KLRF1: variants seen among roughly 807,000 people sequenced by gnomAD.
KLRF1 encodes the protein killer cell lectin-like receptor subfamily F member 1.
A neutral mutation model predicts 30.7 loss-of-function variants in KLRF1; 27 were observed. The ratio of observed to expected loss-of-function variants is 0.88; its 90% CI spans 0.65 to 1.21. The LOEUF is 1.21. KLRF1 is among the 50% of genes most tolerant of loss of function. The pLI is 0.00. For missense variants in KLRF1, 246 were observed against 259.3 expected (o/e 0.95, Z 0.35); for synonymous variants, 92 against 89.3 (o/e 1.03, Z -0.17).
the KLRF1 span, among the ~76,000 whole-genome samples, chr12:9,820,926 G>A: frequency 1.3e-5 from 2 of 152,088 alleles, no homozygotes; most frequent in African/African-American, 4.8e-5. Context: ...TCTTCACCAG[G>A]CAGGGCCCCT....
chr12:9,809,705 A>T, the KLRF1 span, among the ~76,000 whole-genome samples: 10 of 151,966 alleles, frequency 6.6e-5, no homozygotes, highest in East Asian at 1.9e-3. Context: ...TCAAAGATAA[A>T]TTGTTATTAT....
chr12:9,824,222 A>G (rs187668822), upstream of KLRF1, among the ~76,000 whole-genome samples: 10 of 152,298 alleles, frequency 6.6e-5, no homozygotes, highest in East Asian at 1.9e-3. Flanking sequence ...AAAATTCTCA[A>G]CAAAATACTG....
chr12:9,812,574 A>G, the KLRF1 span, among the ~76,000 whole-genome samples: 1 of 152,062 alleles, frequency 6.6e-6, no homozygotes, highest in Non-Finnish European at 1.5e-5. Context: ...TATGGGAAGG[A>G]AAACTTATGG....
chr12:9,833,742 G>T (rs1280636822), intron 3 of KLRF1, among the ~76,000 whole-genome samples: 2 of 151,954 alleles, frequency 1.3e-5, no homozygotes, highest in African/African-American at 4.8e-5. Context: ...AGCCATTCTT[G>T]TTTGTCACTT....
chr12:9,814,660 C>T, the KLRF1 span, among the ~76,000 whole-genome samples: 1 of 152,252 alleles, frequency 6.6e-6, no homozygotes, highest in African/African-American at 2.4e-5. Flanking sequence ...CCCGCAAAGC[C>T]TGGTACGGCC....
At chr12:9,810,877 G>A in the KLRF1 span, among the ~76,000 whole-genome samples, 2 of 152,164 alleles carry the variant, frequency 1.3e-5, no homozygotes, top group African/African-American at 4.8e-5. Context: ...CTTAAGCCAA[G>A]TTTGGATTCT....
intron 1 of KLRF1, among the ~76,000 whole-genome samples, chr12:9,831,437 A>C (rs905111936): frequency 3.9e-5 from 6 of 152,176 alleles, no homozygotes; most frequent in Non-Finnish European, 8.8e-5. Context: ...AAGAGTATTT[A>C]GAATATAAAT....
At chr12:9,833,541 A>C in intron 3 of KLRF1, 89 bp downstream of exon 3, 1 of 1,125,802 alleles carries the variant, frequency 8.9e-7, no homozygotes, top group South Asian at 2.7e-5. Context: ...CAATAGATTA[A>C]AGTAACAAGT....
the KLRF1 span, among the ~76,000 whole-genome samples, chr12:9,810,455 A>C: frequency 6.6e-6 from 1 of 152,220 alleles, no homozygotes; most frequent in African/African-American, 2.4e-5. Flanking sequence ...TATATGCTTA[A>C]ATTTTCACCT....
the KLRF1 span, among the ~76,000 whole-genome samples, chr12:9,818,525 T>G: frequency 2.0e-5 from 3 of 152,222 alleles, no homozygotes; most frequent in Admixed American, 6.5e-5. Context: ...AGTATTGATG[T>G]TAGTAGAAGC....
At chr12:9,810,340 A>G in the KLRF1 span, among the ~76,000 whole-genome samples, 1 of 152,188 alleles carries the variant, frequency 6.6e-6, no homozygotes, top group African/African-American at 2.4e-5. Flanking sequence ...TAGCTGTGTT[A>G]ATAAGTGGTT....
upstream of KLRF1, among the ~76,000 whole-genome samples, chr12:9,824,068 T>C (rs6488231): frequency 0.96 from 146,404 of 152,254 alleles, 70,562 homozygotes; most frequent in Non-Finnish European, 1. Flanking sequence ...ACCATTCCCA[T>C]GGAAACTATT....
chr12:9,826,965 C>A (rs978658294), upstream of KLRF1, among the ~76,000 whole-genome samples: 7 of 151,928 alleles, frequency 4.6e-5, no homozygotes, highest in Non-Finnish European at 8.8e-5. Flanking sequence ...GTACAACAAA[C>A]CCCTGTGACA....
At chr12:9,810,400 A>G in the KLRF1 span, among the ~76,000 whole-genome samples, 1 of 152,176 alleles carries the variant, frequency 6.6e-6, no homozygotes, top group African/African-American at 2.4e-5. Flanking sequence ...ATTTAAACAA[A>G]TTAAATTCCT....
the KLRF1 span, among the ~76,000 whole-genome samples, chr12:9,813,003 G>C: frequency 3.9e-5 from 6 of 152,170 alleles, 1 homozygote; most frequent in Admixed American, 2.6e-4. Flanking sequence ...ATGGGGGATG[G>C]GCCGATCACA....
chr12:9,820,836 A>G, the KLRF1 span, among the ~76,000 whole-genome samples: 1 of 152,146 alleles, frequency 6.6e-6, no homozygotes, highest in Non-Finnish European at 1.5e-5. Flanking sequence ...CCTAGTGACC[A>G]CACTGGCCCC....
chr12:9,817,412 G>A, the KLRF1 span: 27 of 410,390 alleles, frequency 6.6e-5, no homozygotes, highest in East Asian at 2.3e-3. Flanking sequence ...TAGTTTCTCT[G>A]GTAGCTTTTT....
intron 5 of KLRF1, among the ~76,000 whole-genome samples, chr12:9,843,933 T>A (rs1185289242): frequency 6.6e-6 from 1 of 152,176 alleles, no homozygotes; most frequent in Non-Finnish European, 1.5e-5. Flanking sequence ...TATGTTACAT[T>A]ATAAGTAAAT....
chr12:9,820,178 C>T, the KLRF1 span, among the ~76,000 whole-genome samples: 1 of 152,174 alleles, frequency 6.6e-6, no homozygotes, highest in Non-Finnish European at 1.5e-5. Flanking sequence ...GTTGGAACCT[C>T]CCTGGGATGG....
Sources: gnomAD v4.1 joint callset for allele counts (sites outside exome capture counted in the v4.1 genomes callset) on GRCh38, gnomAD v4.1.1 for gene constraint, MANE v1.5 for transcripts, NCBI Gene and HGNC (gene_info 2026-07-23, HGNC 2026-07-21) for gene names.